Variants in KDM2A observed in about 807,000 individuals in gnomAD.
KDM2A encodes the protein lysine demethylase 2A, also known as lysine-specific demethylase 2A.
KDM2A carries 3 observed loss-of-function variants against 137.3 expected under a neutral mutation model. The observed-to-expected ratio is 0.02, with a 90% confidence interval of 0.01 to 0.06. KDM2A has a LOEUF of 0.06. KDM2A is among the 10% of genes least tolerant of loss of function. KDM2A has a pLI of 1.00. For missense variants in KDM2A, 738 were observed against 1,510.6 expected, an observed-to-expected ratio of 0.49 and a Z score of 8.48; for synonymous variants, 512 against 541.5, an observed-to-expected ratio of 0.95 and a Z score of 0.76.
At chr11:67,174,078 C>T (rs544734928) in intron 2 of KDM2A, among the ~76,000 whole-genome samples, 3 of 152,264 alleles carry the variant, frequency 2.0e-5, no homozygotes, top group South Asian at 4.1e-4. Flanking sequence ...GTCAGCATGT[C>T]GAAACCTTGT....
chr11:67,245,952 G>A lies in KDM2A; in HGVS notation c.1834-33G>A, dbSNP rs1425600487. ...ACTGAAATGATAAAGATCTGAGTCA[G>A]TTCTCTTGGATTCTATCTTTGTCCT... is the stretch of plus-strand genomic sequence containing the variant. On this transcript the variant is annotated intron_variant, in intron 14 of 20. Transcript: ENST00000529006. The surrounding 1 kb of genome is among the most constrained non-coding windows in gnomAD (Gnocchi z 4.1). 1.2e-6 allele frequency: 2 copies of A among 1,611,860 alleles called. No individual in the cohort carries two copies. Among genetic ancestry groups the A allele is most frequent in the Admixed American group, 1.7e-5 (1 of 59,906 alleles).
At chr11:67,131,451 G>A (rs1253237639) in intron 2 of KDM2A, among the ~76,000 whole-genome samples, 5 of 137,250 alleles carry the variant, frequency 3.6e-5, no homozygotes, top group Admixed American at 1.6e-4. Flanking sequence ...CGCTCTTGTC[G>A]CCCAGGTTGG....
At chr11:67,200,431 A>T (rs887583017) in intron 5 of KDM2A, among the ~76,000 whole-genome samples, 1 of 152,082 alleles carries the variant, frequency 6.6e-6, no homozygotes, top group Non-Finnish European at 1.5e-5. Context: ...GTTAGCCAGG[A>T]TGATCGCGAT....
chr11:67,248,010 A>G (rs1859301929), intron 15 of KDM2A, among the ~76,000 whole-genome samples: 1 of 152,190 alleles, frequency 6.6e-6, no homozygotes, highest in South Asian at 2.1e-4. Flanking sequence ...AGGGAAAGTG[A>G]AGGTAATAAT....
intron 16 of KDM2A, chr11:67,248,675 A>T (rs1859321192): frequency 3.1e-6 from 1 of 321,052 alleles, no homozygotes; most frequent in South Asian, 3.2e-5. Context: ...GAGAGAAATT[A>T]GGTGAGTATG....
rs767911109 is a variant in KDM2A at position 67,250,499 on chromosome 11, G to A, written c.2469G>A (p.Thr823=). The stretch of plus-strand genomic sequence containing the variant: ...TTGTGCCCAAGCTGCAGGCCATCAC[G>A]GCCTCCTCTGCCAACCTTCGCCATT... ...TSIVPKLQAI[T]ASSANLRHSP... The change falls in exon 17 of 21, where the codon ACG becomes ACA. Residue 823 remains threonine, a synonymous_variant. Transcript: ENST00000529006. The surrounding 1 kb of genome is among the most constrained non-coding windows in gnomAD (Gnocchi z 7.1). 97 of 1,613,918 alleles carry A rather than the reference G, an allele frequency of 6.0e-5. No homozygotes were observed. Among genetic ancestry groups the A allele is most frequent in the Non-Finnish European group, 7.5e-5 (88 of 1,179,908 alleles).
At chr11:67,231,102 A>C (rs959644774) in intron 11 of KDM2A, among the ~76,000 whole-genome samples, 1 of 152,064 alleles carries the variant, frequency 6.6e-6, no homozygotes, top group African/African-American at 2.4e-5. Context: ...GACCACAGTC[A>C]TGCATCACTA....
rs568248367 is a variant in KDM2A at position 67,126,173 on chromosome 11, G to A, written c.42+4815G>A. On this transcript the variant is annotated intron_variant, in intron 2 of 20. Coordinates refer to ENST00000529006, the MANE Select transcript of KDM2A (RefSeq NM_012308.3). ...AGGCAGGAGAATCGCTTGAACCCGC[G>A]AGACAGAGGTTGTGCTGAGCTGAGA... 8.8e-4 allele frequency among the ~76,000 whole-genome samples: 132 copies of A among 150,558 alleles called. 1 individual carries two copies. The highest frequency in any genetic ancestry group is 1.2e-3 in the Non-Finnish European group (80 of 67,730).
chr11:67,255,159 T>C lies in KDM2A; in HGVS notation c.*104T>C. 1.0e-6 allele frequency: 1 copy of C among 993,664 alleles called. No homozygotes were observed. The highest frequency in any genetic ancestry group is 1.5e-6 in the Non-Finnish European group (1 of 672,602). 61.6% of individuals were successfully genotyped at this position (993,664 alleles called of 1,614,324 possible). ...ACGGGCTCTGAGGCCAGCGTCACAC[T>C]CCCTCTCTGCTCTCCTGTCCCTTGA... On this transcript the variant is annotated 3_prime_UTR_variant, in exon 21 of 21. Transcript: ENST00000529006.
At chr11:67,135,882 A>G (rs1855960654) in intron 2 of KDM2A, among the ~76,000 whole-genome samples, 1 of 152,156 alleles carries the variant, frequency 6.6e-6, no homozygotes, top group African/African-American at 2.4e-5. Context: ...CACCCTGTAG[A>G]ACTATGAACT....
At chr11:67,217,432 C>G (rs188866054) in intron 8 of KDM2A, 144 of 351,272 alleles carry the variant, frequency 4.1e-4, no homozygotes, top group African/African-American at 2.9e-3. Context: ...GGAAGCCAGA[C>G]AGAGTGTTTA....
At chr11:67,200,114 AG>A (rs1351173710) in intron 5 of KDM2A, among the ~76,000 whole-genome samples, 3 of 151,920 alleles carry the variant, frequency 2.0e-5, no homozygotes, top group African/African-American at 7.3e-5. Flanking sequence ...AGATCTGCTC[AG>A]GAAAAAAGGT....
At chr11:67,131,283 C>T (rs1417784454) in intron 2 of KDM2A, among the ~76,000 whole-genome samples, 1 of 151,684 alleles carries the variant, frequency 6.6e-6, no homozygotes, top group Non-Finnish European at 1.5e-5. Flanking sequence ...GAGATCTCAC[C>T]GTCGCACTCC....
At chr11:67,253,997 C>T (rs912431434) in intron 19 of KDM2A, among the ~76,000 whole-genome samples, 8 of 152,230 alleles carry the variant, frequency 5.3e-5, no homozygotes, top group African/African-American at 1.9e-4. Flanking sequence ...CATAATCTAG[C>T]AGCTTGAGAA....
In KDM2A at chr11:67,245,098, C is replaced by T; in HGVS notation, c.1564-91C>T. The T allele has an allele frequency of 2.1e-6, 3 of 1,459,884 alleles. No individual in the cohort carries two copies. The South Asian group carries it at 3.8e-5, about 18-fold the overall frequency. 90.4% of individuals were successfully genotyped at this position (1,459,884 alleles called of 1,614,324 possible). On this transcript the variant is annotated intron_variant, in intron 13 of 20. Coordinates refer to ENST00000529006, the MANE Select transcript of KDM2A (RefSeq NM_012308.3). The surrounding 1 kb of genome is among the most constrained non-coding windows in gnomAD (Gnocchi z 4.1). ...GCAGATCTGGCCATAGTGGGCCAAGCCCCAGGCTAGGTATGCTACCATGTA... is the reference window on the plus strand; with the variant it reads ...GCAGATCTGGCCATAGTGGGCCAAGTCCCAGGCTAGGTATGCTACCATGTA...
chr11:67,153,111 A>G (rs893766940), intron 2 of KDM2A, among the ~76,000 whole-genome samples: 1 of 152,020 alleles, frequency 6.6e-6, no homozygotes, highest in Admixed American at 6.6e-5. Context: ...TATTCTCCCA[A>G]GTAGCTGGGA....
At chr11:67,123,051 G>T (rs905777080) in intron 2 of KDM2A, among the ~76,000 whole-genome samples, 1 of 151,998 alleles carries the variant, frequency 6.6e-6, no homozygotes, top group African/African-American at 2.4e-5. Context: ...ACTCACTGTA[G>T]CCTCAAATTC....
chr11:67,131,412 C>CTTT (rs563635809), intron 2 of KDM2A, among the ~76,000 whole-genome samples: 1 of 132,836 alleles, frequency 7.5e-6, no homozygotes, highest in African/African-American at 2.8e-5. Flanking sequence ...GTTTTCTTTT[C>CTTT]TTTTTTTTTT....
At chr11:67,193,640 C>T (rs1857408718) in intron 5 of KDM2A, among the ~76,000 whole-genome samples, 2 of 151,812 alleles carry the variant, frequency 1.3e-5, no homozygotes, top group Non-Finnish European at 1.5e-5. Flanking sequence ...GCAGACAGAT[C>T]ACCTGAGGTC....
Sources: gnomAD v4.1 joint callset for allele counts (sites outside exome capture counted in the v4.1 genomes callset) on GRCh38, gnomAD v4.1.1 for gene constraint, Gnocchi (gnomAD v3.1) non-coding constraint, MANE v1.5 for transcripts, NCBI Gene and HGNC (gene_info 2026-07-23, HGNC 2026-07-21) for gene names.